The following ATG16L2 variants were observed in gnomAD, a reference collection of about 807,000 sequenced individuals.
ATG16L2 encodes protein Atg16l2.
A neutral mutation model predicts 84.7 loss-of-function variants in ATG16L2; 77 were observed. The ratio of observed to expected loss-of-function variants is 0.91; its 90% CI spans 0.76 to 1.10. ATG16L2 has a LOEUF of 1.10. Among genes scored for constraint, ATG16L2 ranks in the 50% least tolerant of loss-of-function variants. ATG16L2 has a pLI of 0.00. For synonymous variants in ATG16L2, 361 were observed against 342.8 expected (o/e 1.05, Z -0.59); for missense variants, 782 against 817.6 (o/e 0.96, Z 0.53).
Position 72,828,732 on chromosome 11 carries a change from C to G in ATG16L2, c.1626C>G (p.Ala542=). Residue 542 remains alanine (A), a synonymous_variant, in exon 16 of 18, where the codon GCC becomes GCG. Coordinates refer to ENST00000321297, the MANE Select transcript of ATG16L2 (RefSeq NM_033388.2). ...CCCCAGCCCTGTCTGTCCTCAGGGC[C>G]GATGGCTTCAAGTGTGGTTCTGACT... The part of the protein sequence containing the change: ...RVSNIRQVFR[A]DGFKCGSDWT... 1 of 1,614,162 alleles carries G rather than the reference C, an allele frequency of 6.2e-7. No homozygotes were observed. Among genetic ancestry groups the G allele is most frequent in the Non-Finnish European group, 8.5e-7 (1 of 1,180,014 alleles).
Position 72,840,775 on chromosome 11 carries a change from GCATAGTCAGTAACAA to G in ATG16L2, c.*22-1839_*22-1825del. 6 of 809,272 alleles carry G rather than the reference GCATAGTCAGTAACAA, an allele frequency of 7.4e-6. 1 individual carries two copies. The highest frequency in any genetic ancestry group is 1.2e-5 in the Non-Finnish European group (6 of 484,120). 50.1% of individuals were successfully genotyped at this position (809,272 alleles called of 1,614,324 possible). On this transcript the variant is annotated intron_variant, in intron 5 of 5. Transcript: ENST00000534905. The stretch of plus-strand genomic sequence containing the variant: ...CCCAAACCCAGTTCATCCTTGTTTG[GCATAGTCAGTAACAA>G]CACAGGGGCCACGGGGAAACATTAA...
chr11:72,821,326 G>T (rs1034474305), intron 3 of ATG16L2: 2 of 1,110,692 alleles, frequency 1.8e-6, no homozygotes, highest in African/African-American at 3.3e-5. Context: ...CCTCGCAGTG[G>T]TTATGCATGG....
At chr11:72,841,186 T>C (rs1411401393) in intron 5 of ATG16L2, among the ~76,000 whole-genome samples, 1 of 151,306 alleles carries the variant, frequency 6.6e-6, no homozygotes, top group Non-Finnish European at 1.5e-5. Flanking sequence ...ATACAAAAAT[T>C]AGCTGTGTGT....
chr11:72,817,100 T>G (rs186509225), intron 2 of ATG16L2, among the ~76,000 whole-genome samples: 1 of 152,236 alleles, frequency 6.6e-6, no homozygotes, highest in Non-Finnish European at 1.5e-5. Flanking sequence ...CCTATACTTA[T>G]GTCTTTTCCC....
At position 72,826,580 on chromosome 11, in the gene ATG16L2, A is replaced by G; in HGVS notation, c.1236A>G (p.Ala412=). The G allele has an allele frequency of 6.2e-7, 1 of 1,614,132 alleles. No homozygotes were observed. The highest frequency in any genetic ancestry group is 8.5e-7 in the Non-Finnish European group (1 of 1,180,008). Residue 412 remains alanine (A), a synonymous_variant, in exon 12 of 18, where the codon GCA becomes GCG. Coordinates refer to ENST00000321297, the MANE Select transcript of ATG16L2 (RefSeq NM_033388.2). ...QAAQLWKVGE[A]QSKETLSGHK... ...CCCAGCTCTGGAAGGTGGGGGAGGCACAGTCCAAGGTGAGGCCTGACTGGG... is the reference window on the plus strand; with the variant it reads ...CCCAGCTCTGGAAGGTGGGGGAGGCGCAGTCCAAGGTGAGGCCTGACTGGG...
Position 72,829,626 on chromosome 11 carries a change from G to T in ATG16L2, c.*236G>T. The T allele has an allele frequency of 7.5e-7, 1 of 1,341,624 alleles. No homozygotes were observed. Among genetic ancestry groups the T allele is most frequent in the Non-Finnish European group, 9.6e-7 (1 of 1,044,750 alleles). The allele number at this position is 1,341,624 out of a possible 1,614,324, so 83.1% of individuals were successfully genotyped here. A position where few individuals can be genotyped will look rare whatever the true frequency, so the allele number is the denominator to read the frequency against. On this transcript the variant is annotated 3_prime_UTR_variant, in exon 18 of 18. Coordinates refer to ENST00000321297, the MANE Select transcript of ATG16L2 (RefSeq NM_033388.2). Reference sequence around the variant, plus strand: ...TTTTTCTCCCAAAGTAGAAAAAAATGATATCTGAACTGCGTCTGCCTACCT... The same window carrying T: ...TTTTTCTCCCAAAGTAGAAAAAAATTATATCTGAACTGCGTCTGCCTACCT...
At chr11:72,814,623 G>A in intron 1 of ATG16L2, 60 bp downstream of exon 1, 1 of 1,420,338 alleles carries the variant, frequency 7.0e-7, no homozygotes. Flanking sequence ...CGGGCGCGGG[G>A]AGAGGGTTTG....
At chr11:72,830,404 C>T (rs1025284103), downstream of ATG16L2, among the ~76,000 whole-genome samples, 5 of 152,182 alleles carry the variant, frequency 3.3e-5, no homozygotes, top group African/African-American at 9.7e-5. Flanking sequence ...AGTACTCCTC[C>T]ACCCTCCTGC....
intron 5 of ATG16L2, chr11:72,841,039 G>A (rs1860913535): frequency 9.3e-7 from 1 of 1,076,474 alleles, no homozygotes; most frequent in East Asian, 2.4e-5. Flanking sequence ...ATGGTGGCTT[G>A]AGCCTGTAAT....
chr11:72,843,080 A>G (rs1861012958), exon 6 of ATG16L2: 2 of 1,449,596 alleles, frequency 1.4e-6, no homozygotes, highest in Non-Finnish European at 1.9e-6. Context: ...ATCCTACTGA[A>G]GGCTTACTCC....
At chr11:72,831,844 G>A (rs1012117297), downstream of ATG16L2, among the ~76,000 whole-genome samples, 1 of 152,238 alleles carries the variant, frequency 6.6e-6, no homozygotes, top group African/African-American at 2.4e-5. Context: ...TGAGCTCAGA[G>A]AAGCCCTGCA....
At chr11:72,829,747 C>A, downstream of ATG16L2, 1 of 589,018 alleles carries the variant, frequency 1.7e-6, no homozygotes, top group Non-Finnish European at 2.2e-6. Flanking sequence ...GCTGAGGCAG[C>A]CAGCCGAGTC....
intron 9 of ATG16L2, among the ~76,000 whole-genome samples, chr11:72,825,090 A>G (rs1421198163): frequency 6.6e-6 from 1 of 152,148 alleles, no homozygotes; most frequent in Non-Finnish European, 1.5e-5. Flanking sequence ...GTAGAGTAGC[A>G]TAGCACGGAG....
intron 1 of ATG16L2, chr11:72,816,449 G>A (rs189185936): frequency 1.0e-4 from 39 of 371,566 alleles, no homozygotes; most frequent in African/African-American, 7.0e-4. Context: ...GACCCTCAGC[G>A]GGCAGTACCC....
At chr11:72,828,295 CCTTCCTGTCAGGAGTGGCCTGGCTA>C in intron 14 of ATG16L2, 39 bp from the exon 15 acceptor site, 1 of 1,585,166 alleles carries the variant, frequency 6.3e-7, no homozygotes, top group Non-Finnish European at 8.6e-7. Flanking sequence ...GCGCCTGGCC[CCTTCCTGTCAGGAGTGGCCTGGCTA>C]GGCTGTTCCT....
exon 6 of ATG16L2, chr11:72,843,063 G>T: frequency 7.6e-7 from 1 of 1,307,680 alleles, no homozygotes; most frequent in Non-Finnish European, 1.1e-6. Flanking sequence ...GGAAAGTTGT[G>T]CTTTTTATCC....
chr11:72,826,532 A>G lies in ATG16L2; in HGVS notation c.1188A>G (p.Leu396=). The change falls in exon 12 of 18, where the codon TTA becomes TTG. Residue 396 remains leucine (L), a synonymous_variant. Coordinates refer to ENST00000321297, the MANE Select transcript of ATG16L2 (RefSeq NM_033388.2). Reference sequence around the variant, plus strand: ...CATTTCTCCAGGGCTACCAGGTTTTAGCAGCAACTTACAACCAGGCTGCCC... The same window carrying G: ...CATTTCTCCAGGGCTACCAGGTTTTGGCAGCAACTTACAACCAGGCTGCCC... The part of the protein sequence containing the change: ...VDFDPSGYQV[L]AATYNQAAQL... The G allele has an allele frequency of 6.2e-7, 1 of 1,614,104 alleles. No homozygotes were observed.
chr11:72,824,627 C>T lies in ATG16L2; in HGVS notation c.888-107C>T, dbSNP rs540461443. ...GCTGCTCCTTGGGGCCATGTTCTGC[C>T]GCCTGCCATGTCTGCTTCCTATGGT... On this transcript the variant is annotated intron_variant, in intron 8 of 17. Transcript: ENST00000321297. 4.8e-5 allele frequency: 40 copies of T among 825,994 alleles called. No individual in the cohort carries two copies. In the East Asian group the frequency reaches 7.6e-4, roughly 16 times the overall value. 51.2% of individuals were successfully genotyped at this position (825,994 alleles called of 1,614,324 possible). A position where few individuals can be genotyped will look rare whatever the true frequency, so the allele number is the denominator to read the frequency against.
Position 72,822,947 on chromosome 11 carries a change from G to C in ATG16L2, c.810G>C (p.Trp270Cys). Residue 270 changes from tryptophan (W) to cysteine (C), a missense_variant, in exon 7 of 18, where the codon TGG (tryptophan) becomes TGC (cysteine). Physicochemically the swap from Trp to Cys is radical, Grantham distance 215. Coordinates refer to ENST00000321297, the MANE Select transcript of ATG16L2 (RefSeq NM_033388.2). The surrounding 1 kb of genome is among the most constrained non-coding windows in gnomAD (Gnocchi z 4.2). The part of the protein sequence containing the change: ...EPLEKEACEK[W>C]KRPFRSASAT... ...TGGAGAAGGAAGCTTGTGAGAAGTG[G>C]AAGAGGCCCTTCAGGTGAGGACCCA... 1 of 1,569,232 alleles carries C rather than the reference G, an allele frequency of 6.4e-7. No individual in the cohort carries two copies. The highest frequency in any genetic ancestry group is 8.6e-7 in the Non-Finnish European group (1 of 1,156,364).
Sources: gnomAD v4.1 joint callset for allele counts (sites outside exome capture counted in the v4.1 genomes callset) on GRCh38, gnomAD v4.1.1 for gene constraint, Gnocchi (gnomAD v3.1) non-coding constraint, MANE v1.5 for transcripts, NCBI Gene and HGNC (gene_info 2026-07-23, HGNC 2026-07-21) for gene names.